The following NAV3 variants were observed in gnomAD, a reference collection of about 807,000 sequenced individuals.
NAV3 encodes neuron navigator 3, also known as pore membrane and/or filament interacting like protein 1.
In NAV3, 87 loss-of-function variants were observed where a neutral mutation model predicts 244.7. The observed-to-expected ratio is 0.36, with a 90% confidence interval of 0.30 to 0.42. The LOEUF is 0.42. NAV3 is among the 20% of genes least tolerant of loss of function. The pLI is 1.00. For synonymous variants in NAV3, 1,126 were observed against 1,042.2 expected (o/e 1.08, Z -1.55); for missense variants, 2,663 against 2,893.3 (o/e 0.92, Z 1.83).
intron 1 of NAV3, among the ~76,000 whole-genome samples, chr12:77,899,490 T>G (rs4761406): frequency 0.36 from 54,944 of 152,102 alleles, 10,431 homozygotes; most frequent in African/African-American, 0.47. Context: ...CTCAGATGAT[T>G]GTTAGCACTG....
chr12:77,723,755 C>CTTTTTTTTTTTTTTTT (rs34518266), intron 2 of NAV3, among the ~76,000 whole-genome samples: 9 of 67,654 alleles, frequency 1.3e-4, no homozygotes, highest in East Asian at 5.3e-4. Context: ...GCAATCTTGA[C>CTTTTTTTTTTTTTTTT]TTTTTTTTTT....
At chr12:78,135,080 G>C (rs952840107) in intron 18 of NAV3, among the ~76,000 whole-genome samples, 2 of 152,160 alleles carry the variant, frequency 1.3e-5, no homozygotes, top group African/African-American at 4.8e-5. Flanking sequence ...AAAGCAGATG[G>C]AAAGCAAAAC....
chr12:77,762,444 C>CAA (rs113934502), intron 2 of NAV3, among the ~76,000 whole-genome samples: 4 of 150,750 alleles, frequency 2.7e-5, no homozygotes, highest in African/African-American at 9.7e-5. Flanking sequence ...TAAAAAAATA[C>CAA]AAAAAAAAAT....
At chr12:77,694,104 A>G (rs1266777781) in intron 2 of NAV3, among the ~76,000 whole-genome samples, 1 of 151,968 alleles carries the variant, frequency 6.6e-6, no homozygotes, top group Non-Finnish European at 1.5e-5. Flanking sequence ...TTTCTCTTCT[A>G]TAATCCTAGA....
In NAV3 at chr12:77,644,254, C is replaced by A. The variant is rs186715968; in HGVS notation, c.72+71988C>A. On this transcript the variant is annotated intron_variant, in intron 2 of 8. Coordinates refer to the NAV3 transcript ENST00000550042. ...TTTTCTGTTTTCTTTAAGAGGTTCC[C>A]GAGATGTTAGAAGATTTCTTTATGT... 4.5e-3 allele frequency among the ~76,000 whole-genome samples: 685 copies of A among 151,958 alleles called. 8 individuals are homozygous for A. Among genetic ancestry groups the A allele is most frequent in the African/African-American group, 0.016 (658 of 41,472 alleles).
Position 77,903,422 on chromosome 12 carries a change from G to A in NAV3, c.244-36897G>A, listed in dbSNP as rs192695543. On this transcript the variant is annotated intron_variant, in intron 1 of 39. Transcript: ENST00000397909. Reference sequence around the variant, plus strand: ...GATTCCCTATTTGATAAATGGTGCCGGGAAAACTGGCTAGCCATATGTAGA... The same window carrying A: ...GATTCCCTATTTGATAAATGGTGCCAGGAAAACTGGCTAGCCATATGTAGA... Among the ~76,000 whole-genome samples the A allele has an allele frequency of 1.2e-3, 179 of 152,216 alleles. 1 individual carries two copies. The highest frequency in any genetic ancestry group is 1.4e-3 in the East Asian group (7 of 5,174).
rs765985293 is a variant in NAV3 at position 77,941,144 on chromosome 12, TA to T, written c.414+12del. The T allele has an allele frequency of 6.7e-7, 1 of 1,482,022 alleles. No homozygotes were observed. Among genetic ancestry groups the T allele is most frequent in the East Asian group, 2.3e-5 (1 of 43,932 alleles). 91.8% of individuals were successfully genotyped at this position (1,482,022 alleles called of 1,614,324 possible). ...AGTCAGTCTCAGATGGTAAGAATCA[TA>T]TTTATTCTCAATATATAATGCTGAT... On this transcript the variant is annotated intron_variant, in intron 3 of 39. Coordinates refer to ENST00000397909, the MANE Select transcript of NAV3 (RefSeq NM_001024383.2).
chr12:77,760,949 C>G (rs1446586291), intron 2 of NAV3, among the ~76,000 whole-genome samples: 13 of 152,124 alleles, frequency 8.5e-5, no homozygotes, highest in Non-Finnish European at 1.6e-4. Flanking sequence ...AAAAGAAACC[C>G]CACCCTATTT....
intron 2 of NAV3, among the ~76,000 whole-genome samples, chr12:77,773,595 G>A (rs893258871): frequency 6.6e-6 from 1 of 152,054 alleles, no homozygotes; most frequent in Non-Finnish European, 1.5e-5. Flanking sequence ...AAATAAGGAA[G>A]ATACATAGTA....
chr12:78,016,267 A>C (rs1255068710), intron 8 of NAV3, among the ~76,000 whole-genome samples: 1 of 152,112 alleles, frequency 6.6e-6, no homozygotes, highest in Non-Finnish European at 1.5e-5. Context: ...ATACATACAT[A>C]CACATACATT....
chr12:78,126,604 T>G (rs1271207991), intron 16 of NAV3, among the ~76,000 whole-genome samples: 1 of 152,196 alleles, frequency 6.6e-6, no homozygotes, highest in Non-Finnish European at 1.5e-5. Context: ...TAGCTTAATT[T>G]CATTAAAATA....
At chr12:78,187,204 G>C (rs1036094612) in intron 31 of NAV3, among the ~76,000 whole-genome samples, 23 of 151,816 alleles carry the variant, frequency 1.5e-4, no homozygotes, top group African/African-American at 5.6e-4. Context: ...GAATAATTTT[G>C]ATAACCATTT....
In NAV3 at chr12:78,198,638, T is replaced by G; in HGVS notation, c.6480T>G (p.Val2160=). ...PYIIGTMNQG[V]SSSPNLELHH... The stretch of plus-strand genomic sequence containing the variant: ...TTATTGGAACAATGAATCAGGGAGT[T>G]TCTTCATCACCAAATCTAGAGCTGC... The change falls in exon 36 of 40, where the codon GTT becomes GTG. Residue 2160 remains valine, a synonymous_variant. Coordinates refer to ENST00000397909, the MANE Select transcript of NAV3 (RefSeq NM_001024383.2). 6.3e-7 allele frequency: 1 copy of G among 1,599,422 alleles called. No homozygotes were observed. The highest frequency in any genetic ancestry group is 1.1e-5 in the South Asian group (1 of 89,160).
chr12:77,776,614 C>T (rs1277149042), intron 2 of NAV3, among the ~76,000 whole-genome samples: 1 of 152,188 alleles, frequency 6.6e-6, no homozygotes, highest in Non-Finnish European at 1.5e-5. Flanking sequence ...AAACACAGTA[C>T]TATCTAGGCT....
intron 12 of NAV3, among the ~76,000 whole-genome samples, chr12:78,078,780 A>G (rs549474431): frequency 6.6e-6 from 1 of 152,286 alleles, no homozygotes; most frequent in Non-Finnish European, 1.5e-5. Context: ...CTGCATTGAG[A>G]CAATTCTCCA....
At chr12:77,879,529 G>T (rs1195249770) in intron 1 of NAV3, among the ~76,000 whole-genome samples, 1 of 151,770 alleles carries the variant, frequency 6.6e-6, no homozygotes, top group East Asian at 1.9e-4. Context: ...ATAAAAATTA[G>T]CTGGGTGTGG....
intron 2 of NAV3, among the ~76,000 whole-genome samples, chr12:77,719,232 A>G (rs1876502057): frequency 6.6e-6 from 1 of 152,018 alleles, no homozygotes; most frequent in Non-Finnish European, 1.5e-5. Context: ...GGCTTTTTAC[A>G]TTTATGAGTA....
At chr12:77,664,230 A>G (rs951345649) in intron 2 of NAV3, among the ~76,000 whole-genome samples, 5 of 152,384 alleles carry the variant, frequency 3.3e-5, no homozygotes, top group Non-Finnish European at 7.3e-5. Context: ...TAGCAATACA[A>G]TAAGAACTGA....
chr12:77,909,017 A>G (rs1308082272), intron 1 of NAV3, among the ~76,000 whole-genome samples: 1 of 152,014 alleles, frequency 6.6e-6, no homozygotes, highest in Admixed American at 6.6e-5. Context: ...AATTTCTCTC[A>G]GCCTCAGTTT....
Sources: gnomAD v4.1 joint callset for allele counts (sites outside exome capture counted in the v4.1 genomes callset) on GRCh38, gnomAD v4.1.1 for gene constraint, MANE v1.5 for transcripts, NCBI Gene and HGNC (gene_info 2026-07-23, HGNC 2026-07-21) for gene names.